Variants in CLASP1 observed in about 807,000 individuals in gnomAD.
CLASP1 encodes cytoplasmic linker associated protein 1.
CLASP1 carries 38 observed loss-of-function variants against 192.3 expected under a neutral mutation model. The observed-to-expected ratio is 0.20, with a 90% CI of 0.15 to 0.26. The LOEUF (loss-of-function observed/expected upper bound fraction) is 0.26, where lower values mean the gene tolerates loss of function less well. CLASP1 is among the 10% of genes least tolerant of loss of function. CLASP1 has a pLI of 1.00. For synonymous variants in CLASP1, 691 were observed against 712.8 expected, an observed-to-expected ratio of 0.97 and a Z score of 0.49; for missense variants, 1,433 against 1,932.5, an observed-to-expected ratio of 0.74 and a Z score of 4.85.
At chr2:121,531,090 A>G in intron 2 of CLASP1, 6 of 659,102 alleles carry the variant, frequency 9.1e-6, no homozygotes, top group Non-Finnish European at 8.4e-6. Context: ...AAACCAGTAG[A>G]GGGTGCACAA....
At chr2:121,435,052 G>A (rs976397032) in intron 19 of CLASP1, among the ~76,000 whole-genome samples, 1 of 152,036 alleles carries the variant, frequency 6.6e-6, no homozygotes, top group African/African-American at 2.4e-5. Context: ...TGGGCGTGGT[G>A]GCTCTCCCCT....
chr2:121,617,634 C>T (rs374691978), intron 1 of CLASP1, among the ~76,000 whole-genome samples: 5 of 152,188 alleles, frequency 3.3e-5, no homozygotes, highest in African/African-American at 9.7e-5. Flanking sequence ...AATCCAAAGT[C>T]GATCGCCCCT....
At chr2:121,367,529 G>T in intron 35 of CLASP1, 59 bp downstream of exon 36, 1 of 1,605,728 alleles carries the variant, frequency 6.2e-7, no homozygotes, top group South Asian at 1.1e-5. Flanking sequence ...CTGGCCAGAC[G>T]GGAGGGAGCA....
At chr2:121,616,427 C>T (rs1283604053) in intron 1 of CLASP1, among the ~76,000 whole-genome samples, 3 of 151,988 alleles carry the variant, frequency 2.0e-5, no homozygotes, top group Non-Finnish European at 4.4e-5. Context: ...AGCCTGGCAA[C>T]AAAGAGCAAA....
chr2:121,540,403 T>G (rs951511450), intron 2 of CLASP1, among the ~76,000 whole-genome samples: 31 of 152,182 alleles, frequency 2.0e-4, no homozygotes, highest in Non-Finnish European at 4.0e-4. Context: ...CTTGGGAGGC[T>G]GAGGCTGGAT....
At chr2:121,479,463 A>G (rs1210951276) in intron 8 of CLASP1, among the ~76,000 whole-genome samples, 9 of 152,370 alleles carry the variant, frequency 5.9e-5, no homozygotes, top group African/African-American at 2.2e-4. Flanking sequence ...AACATTCTTA[A>G]GATCCAGTAA....
At chr2:121,355,014 C>T (rs2065137451) in intron 37 of CLASP1, among the ~76,000 whole-genome samples, 1 of 152,158 alleles carries the variant, frequency 6.6e-6, no homozygotes, top group Admixed American at 6.5e-5. Context: ...AGTGAATTAT[C>T]CTACAGAGAG....
chr2:121,341,868 G>T (rs905853950), intron 39 of CLASP1, among the ~76,000 whole-genome samples: 9 of 152,076 alleles, frequency 5.9e-5, no homozygotes, highest in African/African-American at 1.9e-4. Flanking sequence ...TTTAATTTGT[G>T]ATTTAACATA....
At chr2:121,629,051 T>A (rs1018814968) in intron 1 of CLASP1, among the ~76,000 whole-genome samples, 1 of 152,088 alleles carries the variant, frequency 6.6e-6, no homozygotes, top group East Asian at 1.9e-4. Context: ...TAAATTACAG[T>A]ACATCCGTAC....
intron 33 of CLASP1, among the ~76,000 whole-genome samples, chr2:121,380,643 A>G (rs747744475): frequency 3.9e-5 from 6 of 152,202 alleles, no homozygotes; most frequent in Non-Finnish European, 5.9e-5. Flanking sequence ...AAAAGGGTAC[A>G]ATGTATAGAA....
rs34423741 is a variant in CLASP1 at position 121,555,988 on chromosome 2, C to CTTTTTTTTTTTTTTTTTTTTT, written c.196-25684_196-25664dup. Reference sequence around the variant, plus strand: ...CACGGCGCCTGCCCCCTACCCACCGCTTTTTTTTTTTTTTTTTTTTTTTTT... The same window carrying CTTTTTTTTTTTTTTTTTTTTT: ...CACGGCGCCTGCCCCCTACCCACCGCTTTTTTTTTTTTTTTTTTTTTTTTTTTTTTTTTTTTTTTTTTTTTT... On this transcript the variant is annotated intron_variant, in intron 2 of 39. Coordinates refer to ENST00000263710, the Ensembl canonical transcript of CLASP1. 1.2e-4 allele frequency among the ~76,000 whole-genome samples: 5 copies of CTTTTTTTTTTTTTTTTTTTTT among 42,394 alleles called. 1 individual carries two copies. The highest frequency in any genetic ancestry group is 7.1e-4 in the Admixed American group (2 of 2,816). The allele number at this position is 42,394 out of a possible 152,430, so 27.8% of individuals were successfully genotyped here. A position where few individuals can be genotyped will look rare whatever the true frequency, so the allele number is the denominator to read the frequency against.
intron 26 of CLASP1, chr2:121,403,539 T>C: frequency 1.1e-5 from 5 of 455,460 alleles, no homozygotes; most frequent in Middle Eastern, 3.3e-4. Context: ...CTGTAGTTGA[T>C]CCTGCATGTC....
intron 10 of CLASP1, among the ~76,000 whole-genome samples, chr2:121,462,213 TA>T (rs111804351): frequency 0.021 from 3,033 of 143,702 alleles, 30 homozygotes; most frequent in Middle Eastern, 0.032. Flanking sequence ...ACTTATGAAT[TA>T]AAAAAAAAAA....
intron 2 of CLASP1, among the ~76,000 whole-genome samples, chr2:121,557,086 C>T (rs966200841): frequency 1.3e-5 from 2 of 152,208 alleles, no homozygotes; most frequent in African/African-American, 4.8e-5. Context: ...TTCATTCTCC[C>T]TATTTTGCAG....
chr2:121,499,813 GAAA>G (rs1181099449), intron 8 of CLASP1, among the ~76,000 whole-genome samples: 1 of 140,964 alleles, frequency 7.1e-6, no homozygotes. Flanking sequence ...CCTGCTCTGG[GAAA>G]AAAAAAAAAG....
At position 121,425,456 on chromosome 2, in the gene CLASP1, T is replaced by G. The variant is rs72967381; in HGVS notation, c.2045-150A>C. Reference sequence around the variant, plus strand: ...TTTTATTTGGTGGTAGTAATTTTTTTAAATGTAGGAGCATAAAAGACAATT... The same window carrying G: ...TTTTATTTGGTGGTAGTAATTTTTTGAAATGTAGGAGCATAAAAGACAATT... On this transcript the variant is annotated intron_variant, in intron 21 of 39. Coordinates refer to ENST00000263710, the Ensembl canonical transcript of CLASP1. The G allele has an allele frequency of 4.7e-4, 295 of 630,412 alleles. No homozygotes were observed. In the African/African-American group the frequency reaches 5.1e-3, roughly 11 times the overall value. The allele number at this position is 630,412 out of a possible 1,614,324, so 39.1% of individuals were successfully genotyped here. A position where few individuals can be genotyped will look rare whatever the true frequency, so the allele number is the denominator to read the frequency against.
chr2:121,567,917 C>T (rs2059646761), intron 2 of CLASP1, among the ~76,000 whole-genome samples: 2 of 152,178 alleles, frequency 1.3e-5, no homozygotes, highest in Non-Finnish European at 2.9e-5. Flanking sequence ...TATGTGACTA[C>T]TTCTATCTTC....
intron 9 of CLASP1, among the ~76,000 whole-genome samples, chr2:121,469,514 G>A (rs1390975256): frequency 6.6e-6 from 1 of 152,144 alleles, no homozygotes. Flanking sequence ...TGTGATGAGG[G>A]TGCGCTCTTG....
At chr2:121,524,031 C>T (rs142824152) in intron 6 of CLASP1, among the ~76,000 whole-genome samples, 41 of 152,318 alleles carry the variant, frequency 2.7e-4, no homozygotes, top group East Asian at 1.5e-3. Flanking sequence ...TGGCTAGTGT[C>T]GGTCTGGGCT....
Sources: gnomAD v4.1 joint callset for allele counts (sites outside exome capture counted in the v4.1 genomes callset) on GRCh38, gnomAD v4.1.1 for gene constraint, MANE v1.5 for transcripts, NCBI Gene and HGNC (gene_info 2026-07-23, HGNC 2026-07-21) for gene names.